The following ZNF451 variants were observed in gnomAD, a reference collection of about 807,000 sequenced individuals.
ZNF451 encodes E3 SUMO-protein ligase ZNF451.
In ZNF451, 80 loss-of-function variants were observed where a neutral mutation model predicts 107.1. That is an observed-to-expected ratio of 0.75 (90% CI 0.62 to 0.90). ZNF451 has a LOEUF of 0.90. Among genes scored for constraint, ZNF451 ranks in the 40% least tolerant of loss-of-function variants. ZNF451 has a pLI of 0.00. For synonymous variants in ZNF451, 362 were observed against 406.5 expected (o/e 0.89, Z 1.32); for missense variants, 1,107 against 1,236.2 (o/e 0.90, Z 1.57).
At chr6:57,142,302 A>C (rs1306046341) in intron 9 of ZNF451, among the ~76,000 whole-genome samples, 12 of 152,218 alleles carry the variant, frequency 7.9e-5, no homozygotes, top group Non-Finnish European at 1.5e-5. Flanking sequence ...AAAGCAAGCT[A>C]ACAGTTCTAA....
intron 2 of ZNF451, chr6:57,091,520 G>T (rs1248629910): frequency 6.6e-6 from 1 of 151,846 alleles, no homozygotes; most frequent in Non-Finnish European, 1.5e-5. Context: ...CCAGGCGGGG[G>T]CCTAGGAATC....
intron 3 of ZNF451, chr6:57,115,145 A>C (rs1830305568): frequency 6.6e-6 from 1 of 152,238 alleles, no homozygotes; most frequent in South Asian, 2.1e-4. Flanking sequence ...CTGTAGGCCC[A>C]GCTACTCAGG....
chr6:57,110,560 C>G (rs1053709149), intron 3 of ZNF451, among the ~76,000 whole-genome samples: 1 of 152,154 alleles, frequency 6.6e-6, no homozygotes, highest in South Asian at 2.1e-4. Context: ...AATGTGGTAT[C>G]CCTTCATGGT....
intron 3 of ZNF451, among the ~76,000 whole-genome samples, chr6:57,111,409 C>CT (rs1830108699): frequency 6.7e-6 from 1 of 149,122 alleles, no homozygotes; most frequent in Admixed American, 6.7e-5. Context: ...GAGACGGAGT[C>CT]TCACTCTGTC....
chr6:57,109,529 G>A, intron 3 of ZNF451: 1 of 985,278 alleles, frequency 1.0e-6, no homozygotes, highest in Non-Finnish European at 1.2e-6. Flanking sequence ...TAATTGTGCT[G>A]TTTCTATTCA....
intron 14 of ZNF451, chr6:57,165,854 CAT>C (rs1195199619): frequency 1.3e-5 from 2 of 151,986 alleles, no homozygotes; most frequent in African/African-American, 4.8e-5. Flanking sequence ...AACATAGAGA[CAT>C]AAAAATACAT....
chr6:57,150,482 T>A (rs1273262195), intron 10 of ZNF451: 1 of 350,976 alleles, frequency 2.8e-6, no homozygotes, highest in Admixed American at 4.6e-5. Context: ...TGGAAGAAAA[T>A]GTTTGCAAGA....
At position 57,147,378 on chromosome 6, in the gene ZNF451, G is replaced by A. The variant is rs1315592431; in HGVS notation, c.1293G>A (p.Met431Ile). 6.2e-7 allele frequency: 1 copy of A among 1,614,042 alleles called. No homozygotes were observed. Among genetic ancestry groups the A allele is most frequent in the Admixed American group, 1.7e-5 (1 of 60,012 alleles). ...AATTTTCATCACTTAAAAGAACCAT[G>A]TCTATTAAAGAATCTAGCTCACTGG... ...QSKFSSLKRTMSIKESSSLEC... is the reference protein window; with the variant it reads ...QSKFSSLKRTISIKESSSLEC... Residue 431 changes from methionine (M) to isoleucine (I), a missense_variant, in exon 10 of 15, where the codon ATG becomes ATA. Met to Ile is a conservative substitution (Grantham distance 10). This residue lies in a region of ZNF451 where 608 missense variants were observed against 649.2 expected (regional missense o/e 0.94). Coordinates refer to ENST00000370706, the MANE Select transcript of ZNF451 (RefSeq NM_001031623.3).
At chr6:57,109,233 T>C in intron 3 of ZNF451, 1 of 985,440 alleles carries the variant, frequency 1.0e-6, no homozygotes, top group Non-Finnish European at 1.2e-6. Context: ...CTGATTATGT[T>C]AATCGTATTG....
intron 3 of ZNF451, among the ~76,000 whole-genome samples, chr6:57,111,370 TG>T (rs1212618830): frequency 1.9e-4 from 27 of 138,576 alleles, no homozygotes; most frequent in East Asian, 8.0e-4. Context: ...GGGGTTTTTT[TG>T]TTTTTTTTTT....
chr6:57,122,766 C>G (rs975285780), intron 3 of ZNF451, among the ~76,000 whole-genome samples: 4 of 152,230 alleles, frequency 2.6e-5, no homozygotes, highest in Non-Finnish European at 5.9e-5. Flanking sequence ...CATTTATACA[C>G]TGTTGGTGGA....
At chr6:57,102,189 C>T (rs1158409244) in intron 3 of ZNF451, 19 of 1,426,862 alleles carry the variant, frequency 1.3e-5, no homozygotes, top group Admixed American at 1.2e-4. Flanking sequence ...GGTAGGAGAT[C>T]ATCTCAAAAA....
At chr6:57,132,558 A>G (rs1272914660) in intron 5 of ZNF451, among the ~76,000 whole-genome samples, 1 of 152,214 alleles carries the variant, frequency 6.6e-6, no homozygotes, top group Non-Finnish European at 1.5e-5. Context: ...TGTCTCTACA[A>G]AAAATAAAAA....
At chr6:57,091,503 A>G (rs1426773393) in intron 2 of ZNF451, 1 of 151,584 alleles carries the variant, frequency 6.6e-6, no homozygotes, top group East Asian at 1.9e-4. Context: ...CTACCGAATC[A>G]GAATTTCCAG....
intron 13 of ZNF451, 40 bp from the exon 14 acceptor site, chr6:57,161,044 T>C: frequency 7.5e-7 from 1 of 1,330,938 alleles, no homozygotes; most frequent in Non-Finnish European, 1.0e-6. Flanking sequence ...ATACATAAAT[T>C]TATGGCACAA....
intron 2 of ZNF451, chr6:57,093,083 G>C (rs184937398): frequency 6.6e-6 from 1 of 152,260 alleles, no homozygotes; most frequent in East Asian, 1.9e-4. Context: ...TTAGTAATAT[G>C]ATCCTTTATT....
chr6:57,119,304 A>T (rs1023546074), intron 3 of ZNF451, among the ~76,000 whole-genome samples: 2 of 152,212 alleles, frequency 1.3e-5, no homozygotes, highest in African/African-American at 4.8e-5. Context: ...AGGCGGGCAG[A>T]TCACCTTAGG....
At chr6:57,161,283 A>G in intron 14 of ZNF451, 131 bp downstream of exon 14, 1 of 512,814 alleles carries the variant, frequency 2.0e-6, no homozygotes, top group Non-Finnish European at 3.4e-6. Context: ...CTCAGTTTGG[A>G]TAGCTTTGCA....
chr6:57,150,677 C>T, intron 10 of ZNF451, 42 bp from the exon 11 acceptor site: 7 of 1,543,338 alleles, frequency 4.5e-6, no homozygotes, highest in Non-Finnish European at 6.1e-6. Flanking sequence ...ATGATTTTAG[C>T]AAATTCTTAC....
Sources: allele counts gnomAD v4.1 joint callset (sites outside exome capture counted in the v4.1 genomes callset), GRCh38; gene constraint gnomAD v4.1.1; regional missense constraint gnomAD v4.1.1; transcripts MANE v1.5; gene names NCBI Gene and HGNC (gene_info 2026-07-23, HGNC 2026-07-21).